The following HECW2 variants were observed in gnomAD, a reference collection of about 807,000 sequenced individuals.
HECW2 encodes the protein E3 ubiquitin-protein ligase HECW2.
A neutral mutation model predicts 175.2 loss-of-function variants in HECW2; 61 were observed. That is an observed-to-expected ratio of 0.35 (90% CI 0.28 to 0.43). The LOEUF is 0.43. Among genes scored for constraint, HECW2 ranks in the 20% least tolerant of loss-of-function variants. The pLI is 1.00. For missense variants in HECW2, 1,524 were observed against 2,000.5 expected (o/e 0.76, Z 4.54); for synonymous variants, 671 against 731.0 (o/e 0.92, Z 1.32).
At chr2:196,551,754 G>A (rs918855140) in intron 1 of HECW2, among the ~76,000 whole-genome samples, 11 of 152,136 alleles carry the variant, frequency 7.2e-5, no homozygotes, top group African/African-American at 2.7e-4. Context: ...TCCCTGATTT[G>A]AAAGAGAATC....
chr2:196,244,824 T>C (rs540637542), intron 19 of HECW2, among the ~76,000 whole-genome samples: 3 of 152,064 alleles, frequency 2.0e-5, no homozygotes, highest in African/African-American at 4.8e-5. Flanking sequence ...TGGGAGTAAA[T>C]GGGAAATGAA....
At chr2:196,373,839 C>T (rs961895296) in intron 2 of HECW2, among the ~76,000 whole-genome samples, 16 of 151,924 alleles carry the variant, frequency 1.1e-4, no homozygotes, top group South Asian at 6.2e-4. Context: ...GAGACCATCC[C>T]GGCTAAAACG....
intron 1 of HECW2, among the ~76,000 whole-genome samples, chr2:196,465,227 T>C (rs1374679555): frequency 6.6e-6 from 1 of 152,150 alleles, no homozygotes; most frequent in Non-Finnish European, 1.5e-5. Flanking sequence ...TTGGAATATT[T>C]TGGGAAATGC....
At chr2:196,261,177 A>T (rs1204303255) in intron 17 of HECW2, among the ~76,000 whole-genome samples, 1 of 152,186 alleles carries the variant, frequency 6.6e-6, no homozygotes, top group African/African-American at 2.4e-5. Context: ...CTTTTCTCTT[A>T]CAGTATTAAC....
intron 1 of HECW2, among the ~76,000 whole-genome samples, chr2:196,438,261 A>G (rs1285371183): frequency 6.6e-6 from 1 of 152,232 alleles, no homozygotes; most frequent in East Asian, 1.9e-4. Flanking sequence ...AGCACTGTCC[A>G]ATTGAAATAT....
At chr2:196,297,122 G>T (rs376078978) in intron 13 of HECW2, among the ~76,000 whole-genome samples, 2 of 152,286 alleles carry the variant, frequency 1.3e-5, no homozygotes, top group East Asian at 3.9e-4. Flanking sequence ...ACGTGGACTC[G>T]AGTAGTTAAG....
At chr2:196,407,746 A>T (rs1217843693) in intron 2 of HECW2, among the ~76,000 whole-genome samples, 1 of 152,242 alleles carries the variant, frequency 6.6e-6, no homozygotes, top group Non-Finnish European at 1.5e-5. Context: ...TGCACTTAGA[A>T]GACTATACTG....
At chr2:196,270,354 A>G (rs778817043) in intron 17 of HECW2, among the ~76,000 whole-genome samples, 5 of 152,336 alleles carry the variant, frequency 3.3e-5, no homozygotes, top group African/African-American at 1.2e-4. Flanking sequence ...GAAGGGGAAC[A>G]GCATGTATTC....
chr2:196,404,591 A>C (rs1173896373), intron 2 of HECW2, among the ~76,000 whole-genome samples: 1 of 152,092 alleles, frequency 6.6e-6, no homozygotes, highest in Admixed American at 6.5e-5. Context: ...ATCTTGGAAA[A>C]TGTTTCCTGT....
intron 1 of HECW2, among the ~76,000 whole-genome samples, chr2:196,434,619 C>T (rs917377367): frequency 6.6e-6 from 1 of 152,222 alleles, no homozygotes; most frequent in Non-Finnish European, 1.5e-5. Context: ...ATCTCACTAG[C>T]TTTACATAGA....
chr2:196,436,990 T>C (rs1051299945), intron 1 of HECW2, among the ~76,000 whole-genome samples: 1 of 152,194 alleles, frequency 6.6e-6, no homozygotes, highest in Admixed American at 6.5e-5. Flanking sequence ...CAAAGCACTT[T>C]CACATCAGGT....
intron 2 of HECW2, among the ~76,000 whole-genome samples, chr2:196,406,320 C>T (rs932853239): frequency 6.6e-6 from 1 of 152,194 alleles, no homozygotes; most frequent in African/African-American, 2.4e-5. Context: ...GGCCAACAAT[C>T]AAGGAACCAC....
At chr2:196,551,549 T>C (rs1689602421) in intron 1 of HECW2, among the ~76,000 whole-genome samples, 2 of 152,184 alleles carry the variant, frequency 1.3e-5, no homozygotes. Flanking sequence ...CAGATGATAA[T>C]TCAAAATATA....
At chr2:196,350,785 A>G (rs988193369) in intron 2 of HECW2, among the ~76,000 whole-genome samples, 8 of 148,956 alleles carry the variant, frequency 5.4e-5, no homozygotes, top group Non-Finnish European at 1.0e-4. Context: ...GAAAATTACT[A>G]TGGTAAAGGT....
Position 196,547,441 on chromosome 2 carries a change from A to G in HECW2, c.-36+46067T>C, listed in dbSNP as rs556728415. Among the ~76,000 whole-genome samples, 202 of 152,358 alleles carry G rather than the reference A, an allele frequency of 1.3e-3. 1 individual carries two copies. Among genetic ancestry groups the G allele is most frequent in the Non-Finnish European group, 2.3e-3 (156 of 68,032 alleles). ...CTCTTAAACAATGCAAGGAACACCT[A>G]AAAGGGCAAAGTCATAGACTCTATC... On this transcript the variant is annotated intron_variant, in intron 1 of 28. Transcript: ENST00000644978.
chr2:196,244,470 G>A (rs1297299832), intron 19 of HECW2, among the ~76,000 whole-genome samples: 1 of 152,084 alleles, frequency 6.6e-6, no homozygotes. Flanking sequence ...ATTTCCTTGG[G>A]GATCCAGCGG....
At chr2:196,589,285 G>C (rs931492567) in intron 1 of HECW2, among the ~76,000 whole-genome samples, 7 of 152,104 alleles carry the variant, frequency 4.6e-5, no homozygotes, top group African/African-American at 1.4e-4. Context: ...TTTGGGAAAG[G>C]TGACAGCCAT....
At chr2:196,377,751 T>C (rs1395591083) in intron 2 of HECW2, among the ~76,000 whole-genome samples, 1 of 152,246 alleles carries the variant, frequency 6.6e-6, no homozygotes, top group Non-Finnish European at 1.5e-5. Flanking sequence ...GTTTCCATTT[T>C]ACAAATTTCT....
chr2:196,267,940 C>G (rs1689578818), intron 17 of HECW2, among the ~76,000 whole-genome samples: 1 of 152,082 alleles, frequency 6.6e-6, no homozygotes, highest in African/African-American at 2.4e-5. Context: ...AGTCCTTGCT[C>G]CAGGTATGAA....
Sources: allele counts gnomAD v4.1 joint callset (sites outside exome capture counted in the v4.1 genomes callset), GRCh38; gene constraint gnomAD v4.1.1; transcripts MANE v1.5; gene names NCBI Gene and HGNC (gene_info 2026-07-23, HGNC 2026-07-21).